The following FAM168B variants were observed in gnomAD, a reference collection of about 807,000 sequenced individuals.
FAM168B encodes family with sequence similarity 168 member B.
In FAM168B, 19 loss-of-function variants were observed where a neutral mutation model predicts 21.8. That is an observed-to-expected ratio of 0.87 (90% CI 0.61 to 1.28). The LOEUF is 1.28. Ranked by LOEUF, FAM168B falls within the 50% of genes most tolerant of loss-of-function variation. The pLI is 0.00. For missense variants in FAM168B, 233 were observed against 263.1 expected (o/e 0.89, Z 0.79); for synonymous variants, 126 against 104.8 (o/e 1.20, Z -1.24).
At chr2:131,075,714 T>A (rs1300985805) in intron 2 of FAM168B, among the ~76,000 whole-genome samples, 1 of 152,114 alleles carries the variant, frequency 6.6e-6, no homozygotes, top group Non-Finnish European at 1.5e-5. Context: ...GGTCTCGATC[T>A]ACATACCTCG....
intron 2 of FAM168B, among the ~76,000 whole-genome samples, chr2:131,080,675 G>T (rs1027513034): frequency 2.7e-5 from 4 of 147,486 alleles, no homozygotes; most frequent in Non-Finnish European, 6.0e-5. Flanking sequence ...AATAGTAAAA[G>T]AATTTTTTTT....
chr2:131,055,150 T>C, intron 5 of FAM168B, 122 bp downstream of exon 5: 1 of 981,982 alleles, frequency 1.0e-6, no homozygotes, highest in Non-Finnish European at 1.4e-6. Context: ...AAGAATTTTC[T>C]GTCCTTCCAC....
rs1414887378 is a variant in FAM168B at position 131,093,207 on chromosome 2, C to G, written c.-12+7G>C. 1 of 150,526 alleles carries G rather than the reference C, an allele frequency of 6.6e-6. No individual in the cohort carries two copies. Among genetic ancestry groups the G allele is most frequent in the Admixed American group, 6.6e-5 (1 of 15,114 alleles). The allele number at this position is 150,526 out of a possible 1,614,324, so 9.3% of individuals were successfully genotyped here. Reference sequence around the variant, plus strand: ...CGCGCAGTCGCCCGCTGCCCGCCCCCACTCACCGCGCCGCGGCGGCGACCT... The same window carrying G: ...CGCGCAGTCGCCCGCTGCCCGCCCCGACTCACCGCGCCGCGGCGGCGACCT... On this transcript the variant is annotated splice_region_variant and intron_variant, in intron 1 of 6. Coordinates refer to ENST00000389915, the MANE Select transcript of FAM168B (RefSeq NM_001009993.4).
At chr2:131,081,195 TTTCTGA>T (rs1240968456) in intron 2 of FAM168B, among the ~76,000 whole-genome samples, 1 of 152,220 alleles carries the variant, frequency 6.6e-6, no homozygotes, top group Non-Finnish European at 1.5e-5. Context: ...CCCTCTTATG[TTTCTGA>T]TTCTTTCTTT....
chr2:131,048,360 A>T lies in FAM168B; in HGVS notation c.*4105T>A. ...GGGCACAGCCTGTGGTGAGGAGGAG[A>T]CACCTGTCATGCCAGTCCTGGGAGC... is the stretch of plus-strand genomic sequence containing the variant. On this transcript the variant is annotated 3_prime_UTR_variant, in exon 7 of 7. Transcript: ENST00000389915. 2 of 1,296,148 alleles carry T rather than the reference A, an allele frequency of 1.5e-6. No homozygotes were observed. Among genetic ancestry groups the T allele is most frequent in the South Asian group, 2.5e-5 (2 of 80,654 alleles). 80.3% of individuals were successfully genotyped at this position (1,296,148 alleles called of 1,614,324 possible).
In FAM168B at chr2:131,082,677, AT is replaced by A; in HGVS notation, c.-11-21del. ...CAAAAACTAAAAGAAAAAAAAGGGA[AT>A]TTAGCCAAGCACTTTTGCTCTCAGA... On this transcript the variant is annotated intron_variant, in intron 1 of 6. Transcript: ENST00000389915. The A allele has an allele frequency of 4.6e-6, 7 of 1,538,370 alleles. No individual in the cohort carries two copies. Among genetic ancestry groups the A allele is most frequent in the Non-Finnish European group, 6.2e-6 (7 of 1,131,714 alleles).
At chr2:131,091,076 G>A (rs567222458) in intron 1 of FAM168B, among the ~76,000 whole-genome samples, 1 of 152,332 alleles carries the variant, frequency 6.6e-6, no homozygotes, top group African/African-American at 2.4e-5. Context: ...GCTCACGCCT[G>A]TAATCCCAGC....
chr2:131,066,700 T>C (rs986952628), intron 3 of FAM168B, among the ~76,000 whole-genome samples: 3 of 152,098 alleles, frequency 2.0e-5, no homozygotes, highest in Non-Finnish European at 2.9e-5. Flanking sequence ...AATCCTCCCA[T>C]AAGAAATCAA....
chr2:131,078,973 C>G (rs1361607163), intron 2 of FAM168B, among the ~76,000 whole-genome samples: 1 of 146,082 alleles, frequency 6.8e-6, no homozygotes, highest in African/African-American at 2.5e-5. Flanking sequence ...AATGACAGAG[C>G]AAGACCCTTT....
chr2:131,050,701 A>T lies in FAM168B; in HGVS notation c.*1764T>A. The T allele has an allele frequency of 1.0e-6, 1 of 985,446 alleles. No individual in the cohort carries two copies. Among genetic ancestry groups the T allele is most frequent in the Non-Finnish European group, 1.2e-6 (1 of 829,928 alleles). 61.0% of individuals were successfully genotyped at this position (985,446 alleles called of 1,614,324 possible). The stretch of plus-strand genomic sequence containing the variant: ...CTTACTATAAAAAATAAGGTTACCA[A>T]AGGCTCAGTGGTCAGGTGTCCCCCC... On this transcript the variant is annotated 3_prime_UTR_variant, in exon 7 of 7. Coordinates refer to ENST00000389915, the MANE Select transcript of FAM168B (RefSeq NM_001009993.4).
Position 131,076,728 on chromosome 2 carries a change from G to A in FAM168B, c.71-4790C>T, listed in dbSNP as rs573985034. Among the ~76,000 whole-genome samples the A allele has an allele frequency of 5.3e-5, 8 of 150,368 alleles. No individual in the cohort carries two copies. The South Asian group carries it at 8.4e-4, about 16-fold the overall frequency. Reference sequence around the variant, plus strand: ...GAACAGCAAAAAATACCATAGTTAAGCAAAAGGACAAATTCAGATAAAGTA... The same window carrying A: ...GAACAGCAAAAAATACCATAGTTAAACAAAAGGACAAATTCAGATAAAGTA... On this transcript the variant is annotated intron_variant, in intron 2 of 6. Transcript: ENST00000389915.
At chr2:131,066,665 TGCCTGATC>T (rs1015854154) in intron 3 of FAM168B, among the ~76,000 whole-genome samples, 6 of 152,220 alleles carry the variant, frequency 3.9e-5, no homozygotes, top group Admixed American at 2.0e-4. Context: ...CTGACATCTA[TGCCTGATC>T]GTAGGCTTGG....
chr2:131,075,093 GGC>G (rs1693072343), intron 2 of FAM168B, among the ~76,000 whole-genome samples: 1 of 151,918 alleles, frequency 6.6e-6, no homozygotes, highest in Non-Finnish European at 1.5e-5. Context: ...GGACGTCAAG[GGC>G]AGATTCAACT....
Position 131,076,249 on chromosome 2 carries a change from C to T in FAM168B, c.71-4311G>A, listed in dbSNP as rs116811716. Among the ~76,000 whole-genome samples, 819 of 152,300 alleles carry T rather than the reference C, an allele frequency of 5.4e-3. 6 individuals are homozygous for T. The highest frequency in any genetic ancestry group is 0.018 in the African/African-American group (750 of 41,556). On this transcript the variant is annotated intron_variant, in intron 2 of 6. Coordinates refer to ENST00000389915, the MANE Select transcript of FAM168B (RefSeq NM_001009993.4). Reference sequence around the variant, plus strand: ...TCTGGGTACCCCAACCCCCAGCAGACACAGAGACCGTCTCCTTCAGCATCT... The same window carrying T: ...TCTGGGTACCCCAACCCCCAGCAGATACAGAGACCGTCTCCTTCAGCATCT...
chr2:131,079,995 T>G, intron 2 of FAM168B, among the ~76,000 whole-genome samples: 1 of 151,938 alleles, frequency 6.6e-6, no homozygotes, highest in Admixed American at 6.6e-5. Flanking sequence ...CAGGCGCCTG[T>G]AATCCCAGCA....
intron 2 of FAM168B, among the ~76,000 whole-genome samples, chr2:131,081,386 C>G (rs1325764920): frequency 2.0e-5 from 3 of 152,192 alleles, no homozygotes; most frequent in Admixed American, 1.3e-4. Flanking sequence ...TATGCCCCCA[C>G]AGCAGTTCTG....
Position 131,050,401 on chromosome 2 carries a change from C to A in FAM168B, c.*2064G>T. The A allele has an allele frequency of 1.0e-6, 1 of 985,784 alleles. No homozygotes were observed. The highest frequency in any genetic ancestry group is 1.2e-6 in the Non-Finnish European group (1 of 829,944). 61.1% of individuals were successfully genotyped at this position (985,784 alleles called of 1,614,324 possible). A position where few individuals can be genotyped will look rare whatever the true frequency, so the allele number is the denominator to read the frequency against. ...GCTGAACCCCTGGAACCGTTAGAAC[C>A]TACTAATCCTGCCAACCATCCACTA... On this transcript the variant is annotated 3_prime_UTR_variant, in exon 7 of 7. Coordinates refer to ENST00000389915, the MANE Select transcript of FAM168B (RefSeq NM_001009993.4).
In FAM168B at chr2:131,050,267, TC is replaced by T. The variant is rs1396913351; in HGVS notation, c.*2197del. ...CTCACAGGAGTTGTACATGTATGTT[TC>T]CATTTTGTTGTGTGGGGCTTTTTAA... On this transcript the variant is annotated 3_prime_UTR_variant, in exon 7 of 7. Transcript: ENST00000389915. The T allele has an allele frequency of 2.0e-6, 2 of 985,370 alleles. No individual in the cohort carries two copies. Among genetic ancestry groups the T allele is most frequent in the Non-Finnish European group, 2.4e-6 (2 of 829,952 alleles). 61.0% of individuals were successfully genotyped at this position (985,370 alleles called of 1,614,324 possible).
intron 3 of FAM168B, among the ~76,000 whole-genome samples, chr2:131,065,788 C>CAAA (rs1377282460): frequency 1.7e-5 from 1 of 57,524 alleles, no homozygotes. Flanking sequence ...GACTCCAGCT[C>CAAA]AAAAAAAAAA....
Sources: gnomAD v4.1 joint callset for allele counts (sites outside exome capture counted in the v4.1 genomes callset) on GRCh38, gnomAD v4.1.1 for gene constraint, MANE v1.5 for transcripts, NCBI Gene and HGNC (gene_info 2026-07-23, HGNC 2026-07-21) for gene names.